TBC1D14: variants seen among roughly 807,000 people sequenced by gnomAD.
TBC1D14 encodes TBC1 domain family, member 14.
TBC1D14 carries 26 observed loss-of-function variants against 79.0 expected under a neutral mutation model. The ratio of observed to expected loss-of-function variants is 0.33; its 90% CI spans 0.24 to 0.46. The LOEUF is 0.46. Among genes scored for constraint, TBC1D14 ranks in the 20% least tolerant of loss-of-function variants. TBC1D14 has a pLI of 1.00. For missense variants in TBC1D14, 769 were observed against 887.6 expected, an observed-to-expected ratio of 0.87 and a Z score of 1.70; for synonymous variants, 394 against 349.9, an observed-to-expected ratio of 1.13 and a Z score of -1.40.
At chr4:6,967,934 A>G (rs986382926) in intron 3 of TBC1D14, among the ~76,000 whole-genome samples, 1 of 152,048 alleles carries the variant, frequency 6.6e-6, no homozygotes, top group African/African-American at 2.4e-5. Context: ...CCAGGCCTGC[A>G]TGTCCTCACC....
chr4:6,923,628 C>G lies in TBC1D14; in HGVS notation c.239C>G (p.Pro80Arg), dbSNP rs903958844. The G allele has an allele frequency of 6.2e-7, 1 of 1,613,944 alleles. No individual in the cohort carries two copies. Among genetic ancestry groups the G allele is most frequent in the Non-Finnish European group, 8.5e-7 (1 of 1,180,036 alleles). ...TLEIGNPEPV[P>R]CSAVHVRRKQ... ...GAGATCGGGAACCCGGAGCCTGTAC[C>G]CTGCAGCGCGGTCCACGTGAGGAGG... is the stretch of plus-strand genomic sequence containing the variant. Residue 80 changes from proline (P) to arginine (R), a missense_variant, in exon 2 of 14, where the codon CCC becomes CGC. Transcript: ENST00000409757.
intron 3 of TBC1D14, among the ~76,000 whole-genome samples, chr4:6,979,652 A>G (rs1005552677): frequency 6.6e-6 from 1 of 152,186 alleles, no homozygotes; most frequent in Non-Finnish European, 1.5e-5. Flanking sequence ...CCAACTATGT[A>G]TATGTTGTCT....
intron 13 of TBC1D14, among the ~76,000 whole-genome samples, chr4:7,027,909 C>G (rs192417279): frequency 1.1e-4 from 16 of 148,848 alleles, no homozygotes. Flanking sequence ...CAATCACACA[C>G]ATACACAATC....
At chr4:7,030,201 G>A in intron 13 of TBC1D14, 126 bp from the exon 14 acceptor site, 1 of 818,114 alleles carries the variant, frequency 1.2e-6, no homozygotes, top group Non-Finnish European at 2.1e-6. Context: ...ACCCTGGAGG[G>A]TTGGAGGCAG....
At chr4:6,936,910 A>G (rs1008971729) in intron 2 of TBC1D14, among the ~76,000 whole-genome samples, 10 of 147,684 alleles carry the variant, frequency 6.8e-5, no homozygotes, top group Non-Finnish European at 1.3e-4. Context: ...TTTTTTTTTT[A>G]TTTTTACTTA....
At chr4:6,946,881 C>T (rs191440016) in intron 2 of TBC1D14, among the ~76,000 whole-genome samples, 6 of 152,260 alleles carry the variant, frequency 3.9e-5, no homozygotes, top group African/African-American at 1.4e-4. Context: ...AATGTCATTC[C>T]TTCCCTGAAA....
intron 2 of TBC1D14, among the ~76,000 whole-genome samples, chr4:6,935,702 G>A (rs1712248205): frequency 6.6e-6 from 1 of 151,834 alleles, no homozygotes; most frequent in African/African-American, 2.4e-5. Flanking sequence ...GGAGTGCAGT[G>A]GTGTGATCTC....
At chr4:6,953,523 C>T (rs1207595482) in intron 2 of TBC1D14, among the ~76,000 whole-genome samples, 1 of 136,674 alleles carries the variant, frequency 7.3e-6, no homozygotes, top group Admixed American at 7.9e-5. Flanking sequence ...CCCAGCTACT[C>T]GGGAGGCTGA....
At position 7,030,639 on chromosome 4, in the gene TBC1D14, A is replaced by G. The variant is rs1560377138; in HGVS notation, c.*247A>G. On this transcript the variant is annotated 3_prime_UTR_variant, in exon 14 of 14. Transcript: ENST00000409757. ...CACAGCCAGCCACTGCATCTGCTGCACAGTTGAACGATGGGCAGTGGCTCA... is the reference window on the plus strand; with the variant it reads ...CACAGCCAGCCACTGCATCTGCTGCGCAGTTGAACGATGGGCAGTGGCTCA... 2.3e-5 allele frequency: 10 copies of G among 427,450 alleles called. No individual in the cohort carries two copies. The South Asian group carries it at 2.6e-4, about 11-fold the overall frequency. 26.5% of individuals were successfully genotyped at this position (427,450 alleles called of 1,614,324 possible). A position where few individuals can be genotyped will look rare whatever the true frequency, so the allele number is the denominator to read the frequency against.
chr4:6,954,347 C>T (rs1294080949), intron 2 of TBC1D14: 1 of 717,478 alleles, frequency 1.4e-6, no homozygotes, highest in Non-Finnish European at 2.6e-6. Context: ...AGGTTTGTGG[C>T]TGCTTTCTTG....
intron 2 of TBC1D14, among the ~76,000 whole-genome samples, chr4:6,960,659 G>A (rs1715109707): frequency 6.6e-6 from 1 of 152,210 alleles, no homozygotes; most frequent in South Asian, 2.1e-4. Context: ...TTTTATGTCA[G>A]CCAGCATCTT....
intron 1 of TBC1D14, among the ~76,000 whole-genome samples, chr4:6,912,659 A>G (rs1334790169): frequency 6.6e-6 from 1 of 152,218 alleles, no homozygotes; most frequent in East Asian, 1.9e-4. Context: ...TGGTTGCTAA[A>G]ATAGTGGGAC....
chr4:6,931,725 G>C (rs1711759799), intron 2 of TBC1D14, among the ~76,000 whole-genome samples: 1 of 152,026 alleles, frequency 6.6e-6, no homozygotes, highest in Non-Finnish European at 1.5e-5. Context: ...TGGCTGCTGT[G>C]TACCAAGCAC....
rs759208496 is a variant in TBC1D14 at position 6,953,251 on chromosome 4, C to T, written c.723-14053C>T. ...TCTTGGCCAGGCTGGTCTTGAACTC[C>T]TGACCTCGTGTTCCACCCACCTCGG... On this transcript the variant is annotated intron_variant, in intron 2 of 13. Coordinates refer to ENST00000409757, the MANE Select transcript of TBC1D14 (RefSeq NM_020773.3). Among the ~76,000 whole-genome samples the T allele has an allele frequency of 1.1e-3, 169 of 147,290 alleles. 2 individuals carry two copies. The highest frequency in any genetic ancestry group is 4.0e-3 in the Admixed American group (60 of 14,924).
intron 2 of TBC1D14, among the ~76,000 whole-genome samples, chr4:6,937,065 G>A (rs920802170): frequency 2.6e-5 from 4 of 152,156 alleles, no homozygotes; most frequent in Non-Finnish European, 4.4e-5. Context: ...TTACAGGCAT[G>A]TGCCACTGCG....
In TBC1D14 at chr4:7,015,849, C is replaced by G. The variant is rs576482340; in HGVS notation, c.1757+1292C>G. ...ACCCCACAGGGTGCTGTAGGGTGAC[C>G]GTGCGGCACCACCCGACTCATAGAA... On this transcript the variant is annotated intron_variant, in intron 12 of 13. Transcript: ENST00000409757. 8.5e-5 allele frequency among the ~76,000 whole-genome samples: 13 copies of G among 152,262 alleles called. No homozygotes were observed. In the East Asian group the frequency reaches 1.3e-3, roughly 16 times the overall value.
At chr4:6,923,239 C>A in intron 1 of TBC1D14, 134 bp from the exon 2 acceptor site, 3 of 1,040,668 alleles carry the variant, frequency 2.9e-6, no homozygotes, top group Non-Finnish European at 2.7e-6. Flanking sequence ...GGACTTGAAT[C>A]AAAACTTGGG....
chr4:6,991,791 G>T (rs1183653461), intron 3 of TBC1D14, among the ~76,000 whole-genome samples: 1 of 152,222 alleles, frequency 6.6e-6, no homozygotes, highest in Non-Finnish European at 1.5e-5. Context: ...GTGTGCACGC[G>T]TAAAGCACTC....
At chr4:6,972,988 C>A (rs774109056) in intron 3 of TBC1D14, among the ~76,000 whole-genome samples, 2 of 152,098 alleles carry the variant, frequency 1.3e-5, no homozygotes, top group Non-Finnish European at 1.5e-5. Context: ...GGATTGACGT[C>A]GTTGTTGGAA....
Sources: gnomAD v4.1 joint callset for allele counts (sites outside exome capture counted in the v4.1 genomes callset) on GRCh38, gnomAD v4.1.1 for gene constraint, MANE v1.5 for transcripts, NCBI Gene and HGNC (gene_info 2026-07-23, HGNC 2026-07-21) for gene names.